The following LDB3 variants were observed in gnomAD, a reference collection of about 807,000 sequenced individuals.
The protein encoded by LDB3 is LIM domain binding 3.
In LDB3, 49 loss-of-function variants were observed where a neutral mutation model predicts 69.0. The ratio of observed to expected loss-of-function variants is 0.71; its 90% CI spans 0.56 to 0.90. The LOEUF (loss-of-function observed/expected upper bound fraction) is 0.90. LDB3 is among the 40% of genes least tolerant of loss of function. LDB3 has a pLI of 0.00. For missense variants in LDB3, 928 were observed against 974.1 expected (o/e 0.95, Z 0.63); for synonymous variants, 387 against 396.2 (o/e 0.98, Z 0.28).
chr10:86,675,551 G>T (rs1185037730), intron 2 of LDB3, among the ~76,000 whole-genome samples: 1 of 152,248 alleles, frequency 6.6e-6, no homozygotes, highest in Non-Finnish European at 1.5e-5. Flanking sequence ...GGCATTTGGG[G>T]GTGCCCTGCC....
At chr10:86,683,908 A>G (rs1845300144) in intron 5 of LDB3, among the ~76,000 whole-genome samples, 1 of 152,228 alleles carries the variant, frequency 6.6e-6, no homozygotes, top group Non-Finnish European at 1.5e-5. Flanking sequence ...GGTAGGCACT[A>G]CCATCTCAAG....
At chr10:86,706,462 C>A in intron 7 of LDB3, 69 bp from the exon 8 acceptor site, 9 of 1,527,620 alleles carry the variant, frequency 5.9e-6, no homozygotes, top group Non-Finnish European at 6.3e-6. Flanking sequence ...CACCTGCCCC[C>A]ATGCAGAGGG....
intron 9 of LDB3, among the ~76,000 whole-genome samples, chr10:86,713,525 G>A (rs543606148): frequency 3.3e-5 from 5 of 152,292 alleles, no homozygotes; most frequent in African/African-American, 7.2e-5. Context: ...GATTACAGGC[G>A]TGAGCCACCG....
chr10:86,705,910 G>A (rs956864331), intron 7 of LDB3, among the ~76,000 whole-genome samples: 1 of 152,100 alleles, frequency 6.6e-6, no homozygotes, highest in African/African-American at 2.4e-5. Context: ...TTGAAAAGGG[G>A]CACAGGGGCT....
At chr10:86,723,667 G>T (rs1266003027) in intron 12 of LDB3, among the ~76,000 whole-genome samples, 1 of 152,146 alleles carries the variant, frequency 6.6e-6, no homozygotes, top group East Asian at 1.9e-4. Flanking sequence ...ACTGCAACCT[G>T]GGCGGTAACT....
chr10:86,735,735 T>A lies in LDB3; in HGVS notation c.*2759T>A, dbSNP rs1227211470. Reference sequence around the variant, plus strand: ...CGGAGGTTGCAGTGAGCCGAGATTATGCCATTGCACTCCAGCCTGGGCAAC... The same window carrying A: ...CGGAGGTTGCAGTGAGCCGAGATTAAGCCATTGCACTCCAGCCTGGGCAAC... On this transcript the variant is annotated 3_prime_UTR_variant, in exon 14 of 14. Transcript: ENST00000361373. The A allele has an allele frequency of 7.1e-6, 1 of 140,760 alleles. No individual in the cohort carries two copies. Among genetic ancestry groups the A allele is most frequent in the Non-Finnish European group, 1.5e-5 (1 of 66,878 alleles). The allele number at this position is 140,760 out of a possible 1,614,324, so 8.7% of individuals were successfully genotyped here. A position where few individuals can be genotyped will look rare whatever the true frequency, so the allele number is the denominator to read the frequency against.
rs570134161 is a variant in LDB3 at position 86,680,665 on chromosome 10, A to G, written c.321+508A>G. 8.8e-4 allele frequency among the ~76,000 whole-genome samples: 134 copies of G among 151,728 alleles called. 1 individual carries two copies. The South Asian group carries it at 0.028, about 32-fold the overall frequency. ...CCAAGTGCATTCCCCTGTAGCCCTT[A>G]GGACGTGCTGGCAATGGCAGGCACA... On this transcript the variant is annotated intron_variant, in intron 4 of 13. Transcript: ENST00000361373.
intron 13 of LDB3, among the ~76,000 whole-genome samples, chr10:86,728,063 T>A (rs1016909065): frequency 6.6e-6 from 1 of 152,198 alleles, no homozygotes; most frequent in African/African-American, 2.4e-5. Flanking sequence ...GGTGTAAGTA[T>A]ACTGGCTTTG....
At chr10:86,731,972 A>ATTT (rs199638925) in intron 13 of LDB3, among the ~76,000 whole-genome samples, 5 of 133,936 alleles carry the variant, frequency 3.7e-5, no homozygotes, top group African/African-American at 1.1e-4. Flanking sequence ...TTTTCTTGTA[A>ATTT]TTTTTTTAAC....
chr10:86,723,082 T>C (rs1175880005), intron 12 of LDB3, among the ~76,000 whole-genome samples: 1 of 151,124 alleles, frequency 6.6e-6, no homozygotes, highest in African/African-American at 2.4e-5. Flanking sequence ...GCTTGGACAA[T>C]ATAGGGAGAC....
At chr10:86,669,794 C>T (rs950695575) in intron 2 of LDB3, among the ~76,000 whole-genome samples, 2 of 152,234 alleles carry the variant, frequency 1.3e-5, no homozygotes, top group African/African-American at 4.8e-5. Context: ...GGGGGAGGCC[C>T]CCAGTCTGTC....
chr10:86,721,168 G>A (rs543753487), intron 12 of LDB3, among the ~76,000 whole-genome samples: 1 of 152,290 alleles, frequency 6.6e-6, no homozygotes, highest in Admixed American at 6.5e-5. Context: ...CATAACGGCT[G>A]CACTGTGTTA....
intron 10 of LDB3, among the ~76,000 whole-genome samples, chr10:86,717,332 A>T (rs1846915221): frequency 6.6e-6 from 1 of 152,194 alleles, no homozygotes; most frequent in Non-Finnish European, 1.5e-5. Flanking sequence ...TTTTATTTAA[A>T]ACTAAAGTAA....
intron 12 of LDB3, among the ~76,000 whole-genome samples, chr10:86,719,515 C>T (rs1402327259): frequency 2.0e-5 from 3 of 152,146 alleles, no homozygotes; most frequent in African/African-American, 7.2e-5. Flanking sequence ...GGACTTTGTC[C>T]TTCATTCTAT....
intron 7 of LDB3, among the ~76,000 whole-genome samples, chr10:86,693,933 C>T (rs990579174): frequency 1.3e-5 from 2 of 152,152 alleles, no homozygotes; most frequent in Non-Finnish European, 2.9e-5. Flanking sequence ...GCTTCAAAAT[C>T]CCCCCGGGTT....
Position 86,733,142 on chromosome 10 carries a change from C to T in LDB3, c.*166C>T. ...TTTTTTCTTCTGTACACAGATCGTG[C>T]ATTTGCATAGTTCAGACTAGGAGCC... On this transcript the variant is annotated 3_prime_UTR_variant, in exon 14 of 14. Transcript: ENST00000361373. The T allele has an allele frequency of 1.6e-6, 1 of 627,284 alleles. No individual in the cohort carries two copies. The allele number at this position is 627,284 out of a possible 1,614,324, so 38.9% of individuals were successfully genotyped here. A position where few individuals can be genotyped will look rare whatever the true frequency, so the allele number is the denominator to read the frequency against.
At chr10:86,681,336 G>T (rs150030975) in intron 4 of LDB3, 100 bp from the exon 5 acceptor site, 68 of 1,552,664 alleles carry the variant, frequency 4.4e-5, no homozygotes, top group Non-Finnish European at 6.0e-5. Flanking sequence ...TGCGGGGCTC[G>T]CGCTAACACA....
intron 4 of LDB3, among the ~76,000 whole-genome samples, chr10:86,680,721 G>A (rs912746617): frequency 2.0e-5 from 3 of 152,192 alleles, no homozygotes; most frequent in Admixed American, 6.5e-5. Context: ...CCTGGCTCCA[G>A]ACCTCACCAC....
intron 12 of LDB3, among the ~76,000 whole-genome samples, chr10:86,723,426 C>G (rs1847153850): frequency 6.6e-6 from 1 of 152,044 alleles, no homozygotes. Context: ...GAAGGACAGC[C>G]TAGCACAAAG....
Sources: gnomAD v4.1 joint callset for allele counts (sites outside exome capture counted in the v4.1 genomes callset) on GRCh38, gnomAD v4.1.1 for gene constraint, MANE v1.5 for transcripts, NCBI Gene and HGNC (gene_info 2026-07-23, HGNC 2026-07-21) for gene names.